NRXN1: variants seen among roughly 807,000 people sequenced by gnomAD.
The protein encoded by NRXN1 is neurexin 1.
NRXN1 carries 39 observed loss-of-function variants against 150.9 expected under a neutral mutation model. That is an observed-to-expected ratio of 0.26 (90% CI 0.20 to 0.34). The LOEUF (loss-of-function observed/expected upper bound fraction) is 0.34, where lower values mean the gene tolerates loss of function less well. Among genes scored for constraint, NRXN1 ranks in the 10% least tolerant of loss-of-function variants. The pLI, the probability that NRXN1 is intolerant of heterozygous loss-of-function variation, is 1.00. For missense variants in NRXN1, 1,815 were observed against 1,949.9 expected (o/e 0.93, Z 1.30); for synonymous variants, 924 against 757.0 (o/e 1.22, Z -3.62).
chr2:50,419,370 G>A (rs552646563), intron 17 of NRXN1, among the ~76,000 whole-genome samples: 3 of 152,118 alleles, frequency 2.0e-5, no homozygotes, highest in South Asian at 2.1e-4. Flanking sequence ...GTTTCACAGC[G>A]AATAATTCAT....
intron 17 of NRXN1, among the ~76,000 whole-genome samples, chr2:50,446,240 A>T (rs978943661): frequency 7.2e-5 from 11 of 152,186 alleles, no homozygotes; most frequent in Admixed American, 6.5e-4. Flanking sequence ...TTTTTGTAAT[A>T]TATAAATTGT....
intron 18 of NRXN1, among the ~76,000 whole-genome samples, chr2:50,230,401 T>G (rs2152870350): frequency 6.6e-6 from 1 of 152,214 alleles, no homozygotes; most frequent in South Asian, 2.1e-4. Context: ...CATTAAATTT[T>G]AGGTACAGAA....
chr2:50,069,846 G>GTTTTTTTTTTTTTTTTT (rs1467398706), intron 19 of NRXN1, among the ~76,000 whole-genome samples: 1 of 66,304 alleles, frequency 1.5e-5, no homozygotes. Context: ...AGATTTTGGG[G>GTTTTTTTTTTTTTTTTT]GTTTTTTTTT....
intron 10 of NRXN1, among the ~76,000 whole-genome samples, chr2:50,536,929 G>A (rs1296926644): frequency 6.6e-6 from 1 of 152,150 alleles, no homozygotes; most frequent in Non-Finnish European, 1.5e-5. Flanking sequence ...GAATATATCT[G>A]TATCTATGTG....
intron 17 of NRXN1, among the ~76,000 whole-genome samples, chr2:50,301,210 C>T (rs1222941547): frequency 2.0e-5 from 3 of 152,152 alleles, no homozygotes; most frequent in African/African-American, 7.2e-5. Context: ...AGAACTTTTA[C>T]AATAATAGCA....
At chr2:50,247,088 A>T (rs1469986612) in intron 17 of NRXN1, among the ~76,000 whole-genome samples, 1 of 152,108 alleles carries the variant, frequency 6.6e-6, no homozygotes, top group Non-Finnish European at 1.5e-5. Flanking sequence ...GCCTACATCC[A>T]TCAGCATGAT....
chr2:50,910,958 C>T (rs1684430251), intron 5 of NRXN1, among the ~76,000 whole-genome samples: 1 of 151,796 alleles, frequency 6.6e-6, no homozygotes, highest in South Asian at 2.1e-4. Context: ...CTGACAAGTT[C>T]CACTGACATT....
intron 21 of NRXN1, among the ~76,000 whole-genome samples, chr2:49,946,810 A>G (rs1208441603): frequency 6.6e-6 from 1 of 152,190 alleles, no homozygotes; most frequent in African/African-American, 2.4e-5. Context: ...CTGACTTAAA[A>G]CTATGCTACA....
rs184321353 is a variant in NRXN1, at chr2:50,554,027, C to T, written c.1321-1002G>A. Among the ~76,000 whole-genome samples the T allele has an allele frequency of 1.3e-4, 20 of 152,200 alleles. No homozygotes were observed. In the East Asian group the frequency reaches 3.9e-3, roughly 29 times the overall value. ...TTCTAAAATACATAGACCATACTTACTTGAGGGTGAATTAGTTATCTAGGT... is the reference window on the plus strand; with the variant it reads ...TTCTAAAATACATAGACCATACTTATTTGAGGGTGAATTAGTTATCTAGGT... On this transcript the variant is annotated intron_variant, in intron 8 of 22. Coordinates refer to ENST00000401669, the MANE Select transcript of NRXN1 (RefSeq NM_001330078.2).
intron 5 of NRXN1, among the ~76,000 whole-genome samples, chr2:50,823,318 G>A (rs1056308415): frequency 6.6e-6 from 1 of 152,154 alleles, no homozygotes; most frequent in African/African-American, 2.4e-5. Flanking sequence ...TAGGCCATCA[G>A]TGCAGACCTG....
chr2:50,428,179 T>C (rs1338761921), intron 17 of NRXN1, among the ~76,000 whole-genome samples: 6 of 152,068 alleles, frequency 3.9e-5, no homozygotes, highest in Non-Finnish European at 7.4e-5. Context: ...TTTGGGAGGC[T>C]GAGGAGAGAG....
intron 17 of NRXN1, among the ~76,000 whole-genome samples, chr2:50,242,657 A>C (rs1234273083): frequency 6.6e-6 from 1 of 151,700 alleles, no homozygotes; most frequent in Admixed American, 6.6e-5. Context: ...TAATATTGAG[A>C]AGTAAGGCAC....
intron 2 of NRXN1, among the ~76,000 whole-genome samples, chr2:50,956,576 T>C (rs931506524): frequency 6.6e-6 from 1 of 151,916 alleles, no homozygotes; most frequent in Non-Finnish European, 1.5e-5. Context: ...GGCAAAACCC[T>C]GTCTATACTA....
intron 2 of NRXN1, among the ~76,000 whole-genome samples, chr2:50,939,980 T>G (rs192232609): frequency 2.0e-4 from 30 of 152,188 alleles, no homozygotes; most frequent in Admixed American, 5.2e-4. Flanking sequence ...TATAAAGCCA[T>G]CAATTAAATT....
rs548080321 is a variant in NRXN1 at position 50,716,849 on chromosome 2, T to A, written c.833-93234A>T. On this transcript the variant is annotated intron_variant, in intron 5 of 22. Transcript: ENST00000401669. ...ATCTCCTTTATCATTAATTTAACAA[T>A]AATTCCTATAATATTTTATGATGTC... Among the ~76,000 whole-genome samples, 10 of 152,282 alleles carry A rather than the reference T, an allele frequency of 6.6e-5. No individual in the cohort carries two copies. The South Asian group carries it at 2.1e-3, about 32-fold the overall frequency.
At chr2:50,317,729 TG>T (rs2075727562) in intron 17 of NRXN1, among the ~76,000 whole-genome samples, 1 of 152,008 alleles carries the variant, frequency 6.6e-6, no homozygotes, top group African/African-American at 2.4e-5. Flanking sequence ...AGCCTTACTT[TG>T]TAAAAATATT....
intron 17 of NRXN1, among the ~76,000 whole-genome samples, chr2:50,461,448 G>T (rs143185605): frequency 1.3e-5 from 2 of 151,872 alleles, no homozygotes; most frequent in African/African-American, 2.4e-5. Flanking sequence ...TTTTGCATAC[G>T]GTCATAGCCA....
chr2:50,877,182 TAGAC>T (rs1380950809), intron 5 of NRXN1, among the ~76,000 whole-genome samples: 2 of 137,234 alleles, frequency 1.5e-5, no homozygotes, highest in African/African-American at 2.5e-5. Context: ...AACACACACA[TAGAC>T]ACACACATAT....
At chr2:50,149,524 A>AG (rs1303007987) in intron 18 of NRXN1, among the ~76,000 whole-genome samples, 3 of 151,712 alleles carry the variant, frequency 2.0e-5, no homozygotes, top group Non-Finnish European at 4.4e-5. Flanking sequence ...GGAAGCCATA[A>AG]GTGACACCCT....
Sources: allele counts gnomAD v4.1 joint callset (sites outside exome capture counted in the v4.1 genomes callset), GRCh38; gene constraint gnomAD v4.1.1; transcripts MANE v1.5; gene names NCBI Gene and HGNC (gene_info 2026-07-23, HGNC 2026-07-21).